Variants in CEMIP observed in about 807,000 individuals in gnomAD.
CEMIP encodes cell migration inducing hyaluronidase 1.
Under a neutral mutation model 156.9 loss-of-function variants are expected in CEMIP, and 105 were observed. That is an observed-to-expected ratio of 0.67 (90% CI 0.57 to 0.79). The LOEUF is 0.79. Among genes scored for constraint, CEMIP ranks in the 30% least tolerant of loss-of-function variants. The pLI, the probability that CEMIP is intolerant of heterozygous loss-of-function variation, is 0.00. For missense variants in CEMIP, 1,457 were observed against 1,769.4 expected, an observed-to-expected ratio of 0.82 and a Z score of 3.17; for synonymous variants, 676 against 668.4, an observed-to-expected ratio of 1.01 and a Z score of -0.17.
At chr15:80,928,484 A>G (rs182257620) in intron 19 of CEMIP, among the ~76,000 whole-genome samples, 8 of 152,256 alleles carry the variant, frequency 5.3e-5, no homozygotes, top group African/African-American at 1.9e-4. Context: ...TAAAAGAAAA[A>G]AAAAATAGAA....
intron 1 of CEMIP, among the ~76,000 whole-genome samples, chr15:80,821,953 C>T (rs1168285645): frequency 1.3e-5 from 2 of 152,198 alleles, no homozygotes; most frequent in South Asian, 2.1e-4. Context: ...CCATTGGGCA[C>T]CTGAAGAGTG....
intron 14 of CEMIP, among the ~76,000 whole-genome samples, chr15:80,910,451 G>A (rs961052114): frequency 4.6e-5 from 7 of 152,346 alleles, no homozygotes; most frequent in African/African-American, 1.2e-4. Flanking sequence ...CAAGCAGAGC[G>A]AGCCTCGCCA....
At chr15:80,797,769 T>C (rs376989333) in intron 1 of CEMIP, among the ~76,000 whole-genome samples, 7 of 152,220 alleles carry the variant, frequency 4.6e-5, no homozygotes, top group African/African-American at 1.7e-4. Flanking sequence ...ACGGTGGACC[T>C]GGGAACTAGA....
chr15:80,886,280 A>C (rs941675655), intron 7 of CEMIP, among the ~76,000 whole-genome samples: 2 of 152,020 alleles, frequency 1.3e-5, no homozygotes, highest in African/African-American at 2.4e-5. Context: ...CAGTGGCAGT[A>C]TATGAGAGAG....
intron 1 of CEMIP, among the ~76,000 whole-genome samples, chr15:80,819,245 G>T (rs1011166670): frequency 1.3e-5 from 2 of 152,158 alleles, no homozygotes; most frequent in Non-Finnish European, 2.9e-5. Flanking sequence ...TTGCATAGAT[G>T]CCATGCCTGT....
At chr15:80,858,442 G>A (rs1205847845) in intron 1 of CEMIP, among the ~76,000 whole-genome samples, 1 of 152,134 alleles carries the variant, frequency 6.6e-6, no homozygotes, top group African/African-American at 2.4e-5. Context: ...GGCTGGGCTT[G>A]GTGGCTCACG....
chr15:80,874,071 C>T (rs1368222517), intron 3 of CEMIP, 98 bp downstream of exon 3: 8 of 1,165,842 alleles, frequency 6.9e-6, no homozygotes, highest in African/African-American at 3.0e-5. Flanking sequence ...GAGAAGGAGC[C>T]GTGGGAGTGG....
chr15:80,820,993 A>C (rs190201212), intron 1 of CEMIP, among the ~76,000 whole-genome samples: 1 of 152,374 alleles, frequency 6.6e-6, no homozygotes, highest in East Asian at 1.9e-4. Flanking sequence ...AAGATGCTTC[A>C]AAATAGTGAA....
intron 1 of CEMIP, among the ~76,000 whole-genome samples, chr15:80,846,415 G>A (rs1282311346): frequency 6.6e-6 from 1 of 152,188 alleles, no homozygotes; most frequent in Admixed American, 6.5e-5. Flanking sequence ...TCACCTGCTG[G>A]GTGGATCACC....
intron 1 of CEMIP, among the ~76,000 whole-genome samples, chr15:80,789,850 A>T (rs940937295): frequency 6.6e-6 from 1 of 152,258 alleles, no homozygotes; most frequent in Non-Finnish European, 1.5e-5. Context: ...TATTTAAATA[A>T]AAAGCTATTT....
intron 1 of CEMIP, among the ~76,000 whole-genome samples, chr15:80,861,137 C>T (rs1165400613): frequency 6.6e-6 from 1 of 152,120 alleles, no homozygotes; most frequent in Non-Finnish European, 1.5e-5. Flanking sequence ...TGAGTTGTTT[C>T]CTGCCGTGTC....
At chr15:80,858,670 A>G (rs1362224702) in intron 1 of CEMIP, among the ~76,000 whole-genome samples, 3 of 152,140 alleles carry the variant, frequency 2.0e-5, no homozygotes, top group African/African-American at 4.8e-5. Context: ...GGTTTCAGTG[A>G]GCCAAGGTTG....
rs142192444 is a variant in CEMIP, at chr15:80,785,264, T to A, written c.-176+5650T>A. 3.6e-3 allele frequency among the ~76,000 whole-genome samples: 550 copies of A among 152,296 alleles called. 4 individuals are homozygous for A. Among genetic ancestry groups the A allele is most frequent in the African/African-American group, 0.013 (536 of 41,562 alleles). Reference sequence around the variant, plus strand: ...GAATGGATGTTTACATTTAAACAACTTTTTTAGACTCCAAAGATCACAATT... The same window carrying A: ...GAATGGATGTTTACATTTAAACAACATTTTTAGACTCCAAAGATCACAATT... On this transcript the variant is annotated intron_variant, in intron 1 of 29. Transcript: ENST00000394685.
rs865855476 is a variant in CEMIP at position 80,871,849 on chromosome 15, G to A, written c.-175-1689G>A. Among the ~76,000 whole-genome samples the A allele has an allele frequency of 1.1e-3, 175 of 152,242 alleles. 3 individuals are homozygous for A. Among genetic ancestry groups the A allele is most frequent in the Middle Eastern group, 3.4e-3 (1 of 294 alleles). ...GAAATGGAGCACTCCTCTTCTGGGGGCCATGGGAAAGGAGCCATTCCCAGA... is the reference window on the plus strand; with the variant it reads ...GAAATGGAGCACTCCTCTTCTGGGGACCATGGGAAAGGAGCCATTCCCAGA... On this transcript the variant is annotated intron_variant, in intron 1 of 29. Coordinates refer to ENST00000394685, the MANE Select transcript of CEMIP (RefSeq NM_001293298.2).
chr15:80,834,130 A>T (rs533654383), intron 1 of CEMIP, among the ~76,000 whole-genome samples: 2 of 152,182 alleles, frequency 1.3e-5, no homozygotes, highest in African/African-American at 4.8e-5. Flanking sequence ...AGACATGGCA[A>T]TATGTCCTGA....
At chr15:80,798,630 G>T (rs1896293568) in intron 1 of CEMIP, among the ~76,000 whole-genome samples, 1 of 152,060 alleles carries the variant, frequency 6.6e-6, no homozygotes, top group Non-Finnish European at 1.5e-5. Flanking sequence ...GCCATCCTAT[G>T]TATTTGTTTA....
chr15:80,781,463 G>A (rs1371773460), intron 1 of CEMIP, among the ~76,000 whole-genome samples: 2 of 152,072 alleles, frequency 1.3e-5, no homozygotes, highest in Admixed American at 1.3e-4. Flanking sequence ...AAACCTGTAG[G>A]GTTTAATCTG....
intron 14 of CEMIP, among the ~76,000 whole-genome samples, chr15:80,910,790 G>C (rs1370220844): frequency 6.6e-6 from 1 of 152,220 alleles, no homozygotes. Flanking sequence ...TGAGATGCAA[G>C]TGGGTTTCAT....
At chr15:80,779,948 C>A (rs910339046) in intron 1 of CEMIP, among the ~76,000 whole-genome samples, 6 of 151,994 alleles carry the variant, frequency 3.9e-5, no homozygotes, top group African/African-American at 1.5e-4. Flanking sequence ...TTTCCCCCTT[C>A]TGAATGGCAC....
Sources: gnomAD v4.1 joint callset for allele counts (sites outside exome capture counted in the v4.1 genomes callset) on GRCh38, gnomAD v4.1.1 for gene constraint, MANE v1.5 for transcripts, NCBI Gene and HGNC (gene_info 2026-07-23, HGNC 2026-07-21) for gene names.